Variants in HADH observed in about 807,000 individuals in gnomAD.
HADH encodes the protein hydroxyacyl-CoA dehydrogenase, also known as hydroxyacyl-coenzyme A dehydrogenase, mitochondrial.
HADH carries 24 observed loss-of-function variants against 32.2 expected under a neutral mutation model. The observed-to-expected ratio is 0.75, with a 90% confidence interval of 0.54 to 1.05. The LOEUF (loss-of-function observed/expected upper bound fraction) is 1.05, where lower values mean the gene tolerates loss of function less well. Among genes scored for constraint, HADH ranks in the 50% least tolerant of loss-of-function variants. The pLI is 0.00. For missense variants in HADH, 350 were observed against 397.1 expected (o/e 0.88, Z 1.01); for synonymous variants, 139 against 152.5 (o/e 0.91, Z 0.65).
chr4:108,033,429 A>G (rs990393883), intron 7 of HADH, 137 bp downstream of exon 7: 11 of 706,016 alleles, frequency 1.6e-5, no homozygotes, highest in African/African-American at 5.3e-5. Context: ...TTGAGAATTC[A>G]TGAACAGATG....
At chr4:107,990,337 T>C (rs990005432) in intron 1 of HADH, among the ~76,000 whole-genome samples, 1 of 152,036 alleles carries the variant, frequency 6.6e-6, no homozygotes, top group African/African-American at 2.4e-5. Context: ...CCATGGAGAG[T>C]GGCGGTGAAT....
chr4:108,019,785 A>C (rs1318677610), intron 4 of HADH, 119 bp downstream of exon 4: 2 of 1,149,106 alleles, frequency 1.7e-6, no homozygotes, highest in Non-Finnish European at 2.6e-6. Flanking sequence ...CTGAGGGTAG[A>C]AGGTTGTCCC....
At position 108,009,758 on chromosome 4, in the gene HADH, G is replaced by A. The variant is rs2126226310; in HGVS notation, c.133-1G>A. The A allele has an allele frequency of 8.1e-6, 13 of 1,613,604 alleles. No homozygotes were observed. Among genetic ancestry groups the A allele is most frequent in the Non-Finnish European group, 1.1e-5 (13 of 1,179,564 alleles). On this transcript the variant is annotated splice_acceptor_variant, in intron 1 of 7. Coordinates refer to ENST00000309522, the MANE Select transcript of HADH (RefSeq NM_005327.7). LOFTEE classifies it high-confidence loss of function. ...AAGAAATTGTTCTTTTGTTGCTCTA[G>A]GTTGCTGCAGCAACTGGTCACACAG...
At chr4:108,027,158 A>AG (rs1254379823) in intron 5 of HADH, 9 of 178,514 alleles carry the variant, frequency 5.0e-5, no homozygotes, top group Admixed American at 4.9e-4. Context: ...CCTGGAAAGC[A>AG]GTCCTCCTTT....
In HADH at chr4:108,034,236, T is replaced by C; in HGVS notation, c.827-3T>C. The C allele has an allele frequency of 1.3e-6, 2 of 1,573,254 alleles. No individual in the cohort carries two copies. The highest frequency in any genetic ancestry group is 1.8e-6 in the Non-Finnish European group (2 of 1,142,678). ...CCTGAGTTCTCTTCCCTCCGCTCAATAGGGTGGCATGAAATGGATGCAGAG... is the reference window on the plus strand; with the variant it reads ...CCTGAGTTCTCTTCCCTCCGCTCAACAGGGTGGCATGAAATGGATGCAGAG... On this transcript the variant is annotated splice_polypyrimidine_tract_variant and splice_region_variant and intron_variant, in intron 7 of 7. Coordinates refer to ENST00000309522, the MANE Select transcript of HADH (RefSeq NM_005327.7).
chr4:108,005,960 A>C (rs1192598304), intron 1 of HADH, among the ~76,000 whole-genome samples: 3 of 152,056 alleles, frequency 2.0e-5, no homozygotes, highest in African/African-American at 4.8e-5. Context: ...CCATCAAGGA[A>C]TCTGTACAGG....
At chr4:108,000,752 G>A (rs1222214610) in intron 1 of HADH, among the ~76,000 whole-genome samples, 1 of 152,238 alleles carries the variant, frequency 6.6e-6, no homozygotes, top group Non-Finnish European at 1.5e-5. Flanking sequence ...AGCCGGACAT[G>A]TATGGCAGAG....
chr4:108,023,342 T>C (rs879554642), intron 4 of HADH, 132 bp from the exon 5 acceptor site: 7 of 674,390 alleles, frequency 1.0e-5, no homozygotes, highest in Admixed American at 7.0e-5. Context: ...GGCTTGAGAT[T>C]CCTACTTCTA....
At chr4:107,995,613 GT>G (rs1734932592) in intron 1 of HADH, among the ~76,000 whole-genome samples, 1 of 152,132 alleles carries the variant, frequency 6.6e-6, no homozygotes, top group South Asian at 2.1e-4. Context: ...ACTTTATTCT[GT>G]TCAAAGAATT....
intron 2 of HADH, among the ~76,000 whole-genome samples, chr4:108,010,253 A>G (rs1219296917): frequency 1.3e-5 from 2 of 152,128 alleles, no homozygotes; most frequent in Non-Finnish European, 2.9e-5. Flanking sequence ...TTTTTATACT[A>G]CAAGTTAAGA....
chr4:107,995,504 A>G (rs1333913251), intron 1 of HADH, among the ~76,000 whole-genome samples: 1 of 151,996 alleles, frequency 6.6e-6, no homozygotes, highest in Non-Finnish European at 1.5e-5. Flanking sequence ...AGTTCCAGCA[A>G]TTCTAAAGAT....
At chr4:108,019,500 A>G in intron 3 of HADH, 40 bp from the exon 4 acceptor site, 1 of 1,596,454 alleles carries the variant, frequency 6.3e-7, no homozygotes, top group South Asian at 1.1e-5. Flanking sequence ...TTGAAAGAAG[A>G]GATTCACTCT....
chr4:108,000,750 A>T (rs1735098255), intron 1 of HADH, among the ~76,000 whole-genome samples: 2 of 152,234 alleles, frequency 1.3e-5, no homozygotes, highest in South Asian at 4.1e-4. Context: ...GGAGCCGGAC[A>T]TGTATGGCAG....
chr4:108,019,800 C>T (rs1000578549), intron 4 of HADH, 134 bp downstream of exon 4: 6 of 967,472 alleles, frequency 6.2e-6, no homozygotes, highest in East Asian at 4.8e-5. Flanking sequence ...TGTCCCTGAG[C>T]CTCATATCTA....
At chr4:108,023,103 T>C (rs1735948257) in intron 4 of HADH, among the ~76,000 whole-genome samples, 1 of 151,894 alleles carries the variant, frequency 6.6e-6, no homozygotes, top group East Asian at 2.0e-4. Context: ...AAGCAATTCT[T>C]CTGCCTGGGC....
chr4:108,023,848 T>G (rs1735975673), intron 5 of HADH: 2 of 370,414 alleles, frequency 5.4e-6, no homozygotes, highest in East Asian at 1.0e-4. Context: ...CTGTCCTGGC[T>G]TTTGTCTCCT....
At chr4:107,996,099 A>G (rs1734951031) in intron 1 of HADH, among the ~76,000 whole-genome samples, 1 of 152,192 alleles carries the variant, frequency 6.6e-6, no homozygotes, top group African/African-American at 2.4e-5. Flanking sequence ...CCATACCAGA[A>G]AAGGCTCTGT....
intron 4 of HADH, among the ~76,000 whole-genome samples, chr4:108,020,233 G>T (rs894773438): frequency 6.6e-6 from 1 of 152,214 alleles, no homozygotes; most frequent in Admixed American, 6.5e-5. Context: ...ACTTTTGGAG[G>T]TGGAAGTTAG....
chr4:107,998,722 GTT>G (rs911189621), intron 1 of HADH, among the ~76,000 whole-genome samples: 1 of 151,882 alleles, frequency 6.6e-6, no homozygotes, highest in African/African-American at 2.4e-5. Flanking sequence ...TGTTCTTTTT[GTT>G]TTTTTGTTTT....
Sources: allele counts gnomAD v4.1 joint callset (sites outside exome capture counted in the v4.1 genomes callset), GRCh38; gene constraint gnomAD v4.1.1; transcripts MANE v1.5; gene names NCBI Gene and HGNC (gene_info 2026-07-23, HGNC 2026-07-21).